PIGU: variants seen among roughly 807,000 people sequenced by gnomAD.
PIGU encodes the protein GPI-anchor transamidase component PIGU.
Under a neutral mutation model 49.9 loss-of-function variants are expected in PIGU, and 24 were observed. The observed-to-expected ratio is 0.48, with a 90% CI of 0.35 to 0.68. The LOEUF (loss-of-function observed/expected upper bound fraction) is 0.68, where lower values mean the gene tolerates loss of function less well. PIGU is among the 30% of genes least tolerant of loss of function. PIGU has a pLI of 0.01. For synonymous variants in PIGU, 220 were observed against 205.7 expected (o/e 1.07, Z -0.59); for missense variants, 490 against 532.6 (o/e 0.92, Z 0.79).
chr20:34,572,229 T>G (rs1222580983), intron 11 of PIGU, among the ~76,000 whole-genome samples: 2 of 152,016 alleles, frequency 1.3e-5, no homozygotes, highest in Admixed American at 6.5e-5. Flanking sequence ...TTTTATTATT[T>G]ATTGCTATTG....
intron 4 of PIGU, 105 bp from the exon 5 acceptor site, chr20:34,638,090 C>G (rs1986025747): frequency 7.0e-7 from 1 of 1,430,936 alleles, no homozygotes; most frequent in Non-Finnish European, 9.1e-7. Context: ...CATGGCCCTG[C>G]CTGGTCTGGC....
At chr20:34,562,074 G>A (rs1039567142) in intron 11 of PIGU, among the ~76,000 whole-genome samples, 1 of 152,176 alleles carries the variant, frequency 6.6e-6, no homozygotes, top group Non-Finnish European at 1.5e-5. Context: ...ATCAAAGGGA[G>A]CCTAGAAGCT....
Position 34,645,265 on chromosome 20 carries a change from G to A in PIGU, c.255+10C>T, listed in dbSNP as rs1460984506. On this transcript the variant is annotated intron_variant, in intron 3 of 11. Coordinates refer to ENST00000217446, the MANE Select transcript of PIGU (RefSeq NM_080476.5). ...ATATACATATCAATTTTATATGGAA[G>A]GTTACTTACCATAAACACCAATTCA... 6.4e-7 allele frequency: 1 copy of A among 1,554,600 alleles called. No homozygotes were observed. The highest frequency in any genetic ancestry group is 8.6e-7 in the Non-Finnish European group (1 of 1,158,948).
chr20:34,642,671 ATATATG>A (rs1568654881), intron 4 of PIGU, among the ~76,000 whole-genome samples: 2 of 117,348 alleles, frequency 1.7e-5, no homozygotes, highest in African/African-American at 3.1e-5. Context: ...ATATATATAT[ATATATG>A]CACACACACA....
intron 10 of PIGU, among the ~76,000 whole-genome samples, chr20:34,576,057 A>G (rs908023547): frequency 6.6e-6 from 1 of 152,126 alleles, no homozygotes; most frequent in African/African-American, 2.4e-5. Context: ...AACTGAGGCT[A>G]CACACCTAGT....
intron 2 of PIGU, among the ~76,000 whole-genome samples, chr20:34,646,440 GCT>G (rs1331527422): frequency 5.3e-5 from 8 of 152,144 alleles, no homozygotes; most frequent in African/African-American, 1.9e-4. Context: ...ATGGAGTCTC[GCT>G]CTGTCACCCA....
intron 6 of PIGU, among the ~76,000 whole-genome samples, chr20:34,621,084 C>G (rs920736374): frequency 1.3e-5 from 2 of 151,546 alleles, no homozygotes; most frequent in African/African-American, 4.8e-5. Flanking sequence ...TTATAATAAT[C>G]TGCATATGTT....
intron 7 of PIGU, among the ~76,000 whole-genome samples, chr20:34,601,451 CCT>C (rs773633621): frequency 3.3e-5 from 5 of 152,128 alleles, no homozygotes; most frequent in Non-Finnish European, 7.3e-5. Flanking sequence ...CCAGCAATCC[CCT>C]GATGGCTTGT....
chr20:34,578,406 T>G (rs536445163), intron 10 of PIGU, among the ~76,000 whole-genome samples: 1 of 152,230 alleles, frequency 6.6e-6, no homozygotes, highest in Admixed American at 6.5e-5. Context: ...AACATCACTA[T>G]GTACATTTCT....
chr20:34,583,308 G>C (rs1282416654), intron 9 of PIGU, among the ~76,000 whole-genome samples: 1 of 152,210 alleles, frequency 6.6e-6, no homozygotes, highest in Non-Finnish European at 1.5e-5. Flanking sequence ...TCTATGAAAA[G>C]GCTGGTGAAA....
At chr20:34,653,594 C>T (rs1356267115) in intron 2 of PIGU, among the ~76,000 whole-genome samples, 2 of 152,022 alleles carry the variant, frequency 1.3e-5, no homozygotes, top group African/African-American at 2.4e-5. Context: ...GTTTTGTATC[C>T]CTAACACCTA....
intron 6 of PIGU, among the ~76,000 whole-genome samples, chr20:34,629,147 C>T (rs908072588): frequency 6.6e-6 from 1 of 151,960 alleles, no homozygotes; most frequent in African/African-American, 2.4e-5. Flanking sequence ...TCCCAAGTAG[C>T]TAGGATTACG....
chr20:34,673,698 G>A (rs959007632), intron 1 of PIGU, among the ~76,000 whole-genome samples: 1 of 152,154 alleles, frequency 6.6e-6, no homozygotes. Context: ...CTTCAACATG[G>A]ATTATCTCGT....
At chr20:34,626,670 G>A (rs1600640300) in intron 6 of PIGU, among the ~76,000 whole-genome samples, 3 of 152,116 alleles carry the variant, frequency 2.0e-5, no homozygotes, top group East Asian at 3.9e-4. Flanking sequence ...TTCCATGTGG[G>A]AGAATATCTA....
At chr20:34,569,884 C>A (rs1939048919) in intron 11 of PIGU, among the ~76,000 whole-genome samples, 1 of 152,166 alleles carries the variant, frequency 6.6e-6, no homozygotes, top group African/African-American at 2.4e-5. Context: ...CCTAATGGAA[C>A]CCACAGTCTA....
Position 34,676,950 on chromosome 20 carries a change from C to A in PIGU, c.130+6G>T. 2 of 1,567,208 alleles carry A rather than the reference C, an allele frequency of 1.3e-6. No homozygotes were observed. The highest frequency in any genetic ancestry group is 1.7e-6 in the Non-Finnish European group (2 of 1,157,048). On this transcript the variant is annotated splice_donor_region_variant and intron_variant, in intron 1 of 11. Transcript: ENST00000217446. ...CCTGACAGTCTGCTCGAGCCAGTGGCCTCACCTCTCTTCCAAGAGCTCAGT... is the reference window on the plus strand; with the variant it reads ...CCTGACAGTCTGCTCGAGCCAGTGGACTCACCTCTCTTCCAAGAGCTCAGT...
At chr20:34,656,898 C>T (rs1249908018) in intron 2 of PIGU, among the ~76,000 whole-genome samples, 1 of 152,200 alleles carries the variant, frequency 6.6e-6, no homozygotes, top group Non-Finnish European at 1.5e-5. Context: ...AGCATACAAC[C>T]TATTTGCGGA....
chr20:34,653,897 A>G (rs1393948140), intron 2 of PIGU, among the ~76,000 whole-genome samples: 4 of 151,196 alleles, frequency 2.6e-5, no homozygotes. Flanking sequence ...TCGCTCTGTC[A>G]CCCAGGCTGG....
At chr20:34,582,608 G>A (rs1293664703) in intron 9 of PIGU, among the ~76,000 whole-genome samples, 2 of 152,074 alleles carry the variant, frequency 1.3e-5, no homozygotes, top group Non-Finnish European at 1.5e-5. Context: ...GGTGCCAGGA[G>A]GTTGAGGCTG....
Sources: allele counts gnomAD v4.1 joint callset (sites outside exome capture counted in the v4.1 genomes callset), GRCh38; gene constraint gnomAD v4.1.1; transcripts MANE v1.5; gene names NCBI Gene and HGNC (gene_info 2026-07-23, HGNC 2026-07-21).